The following RAG1 variants were observed in gnomAD, a reference collection of about 807,000 sequenced individuals.
RAG1 encodes the protein recombination activating 1.
Under a neutral mutation model 62.7 loss-of-function variants are expected in RAG1, and 35 were observed. The observed-to-expected ratio is 0.56, with a 90% CI of 0.43 to 0.74. The LOEUF (loss-of-function observed/expected upper bound fraction) is 0.74, where lower values mean the gene tolerates loss of function less well. RAG1 is among the 30% of genes least tolerant of loss of function. The pLI, the probability that RAG1 is intolerant of heterozygous loss-of-function variation, is 0.00. For missense variants in RAG1, 1,169 were observed against 1,278.6 expected (o/e 0.91, Z 1.31); for synonymous variants, 461 against 470.3 (o/e 0.98, Z 0.26).
At chr11:36,520,342 C>T (rs983815556) in intron 2 of RAG1, 1 of 152,174 alleles carries the variant, frequency 6.6e-6, no homozygotes, top group Admixed American at 6.5e-5. Flanking sequence ...GATCTTGGCT[C>T]ACTGCAACCT....
chr11:36,520,467 G>A (rs982149570), intron 2 of RAG1, among the ~76,000 whole-genome samples: 3 of 151,734 alleles, frequency 2.0e-5, no homozygotes, highest in Non-Finnish European at 2.9e-5. Flanking sequence ...TGGAAGAGAC[G>A]GGGTTTCCCC....
chr11:36,515,054 G>A (rs1590657469), intron 1 of RAG1, among the ~76,000 whole-genome samples: 1 of 152,234 alleles, frequency 6.6e-6, no homozygotes, highest in Non-Finnish European at 1.5e-5. Flanking sequence ...ATACTCCTGA[G>A]GGGACACAAA....
In RAG1 at chr11:36,526,146, A is replaced by G. The variant is rs373541613; in HGVS notation, n.428+5917A>G. Among the ~76,000 whole-genome samples the G allele has an allele frequency of 1.7e-4, 26 of 152,324 alleles. No individual in the cohort carries two copies. In the East Asian group the frequency reaches 3.9e-3, roughly 23 times the overall value. ...CATGTGCACAACGTGCAGGTTTGTT[A>G]CATAGGTATACATGTGCCATGTTGG... On this transcript the variant is annotated intron_variant and non_coding_transcript_variant, in intron 2 of 2. Coordinates refer to the RAG1 transcript ENST00000529126.
At chr11:36,522,138 G>A (rs542266825) in intron 2 of RAG1, among the ~76,000 whole-genome samples, 10 of 152,164 alleles carry the variant, frequency 6.6e-5, no homozygotes, top group African/African-American at 1.9e-4. Flanking sequence ...ATGAAGAGCC[G>A]AATGTTAATC....
chr11:36,576,097 T>C lies in RAG1; in HGVS notation c.2793T>C (p.Tyr931=). The C allele has an allele frequency of 6.2e-7, 1 of 1,614,006 alleles. No homozygotes were observed. The highest frequency in any genetic ancestry group is 1.1e-5 in the South Asian group (1 of 91,074). Residue 931 remains tyrosine, a synonymous_variant, in exon 2 of 2, where the codon TAT becomes TAC. Coordinates refer to ENST00000299440, the MANE Select transcript of RAG1 (RefSeq NM_000448.3). ...TTTCTACGAAGTTCAAGTATAGGTA[T>C]GAGGGAAAAATCACCAATTATTTTC... ...ELLSTKFKYR[Y]EGKITNYFHK...
chr11:36,518,012 C>T (rs946531610), intron 1 of RAG1, among the ~76,000 whole-genome samples: 25 of 134,826 alleles, frequency 1.9e-4, no homozygotes, highest in African/African-American at 3.1e-4. Flanking sequence ...CAACAGTTCC[C>T]GGTGTGTGAT....
At chr11:36,530,424 T>G (rs1164926441) in intron 2 of RAG1, among the ~76,000 whole-genome samples, 1 of 151,904 alleles carries the variant, frequency 6.6e-6, no homozygotes, top group Non-Finnish European at 1.5e-5. Context: ...CTTACATTTT[T>G]TATTTGAGAC....
rs116108987 is a variant in RAG1 at position 36,551,430 on chromosome 11, G to C, written c.-411-11955G>C. 3.5e-3 allele frequency among the ~76,000 whole-genome samples: 526 copies of C among 152,032 alleles called. 1 individual carries two copies. Among genetic ancestry groups the C allele is most frequent in the African/African-American group, 0.012 (500 of 41,502 alleles). On this transcript the variant is annotated intron_variant and NMD_transcript_variant, in intron 3 of 9. Transcript: ENST00000534663. ...CTAGAAGTTTGAGATTAAGGTGTTAGTGGAATTGGTTTCTCTGAGGTCTCT... is the reference window on the plus strand; with the variant it reads ...CTAGAAGTTTGAGATTAAGGTGTTACTGGAATTGGTTTCTCTGAGGTCTCT...
chr11:36,564,641 C>T (rs368078396), upstream of RAG1, among the ~76,000 whole-genome samples: 7 of 152,036 alleles, frequency 4.6e-5, no homozygotes, highest in East Asian at 1.9e-4. Flanking sequence ...GAGCTGCAGC[C>T]GACGTTTAGA....
intron 1 of RAG1, among the ~76,000 whole-genome samples, chr11:36,570,589 A>T (rs1002925515): frequency 2.0e-5 from 3 of 152,092 alleles, no homozygotes; most frequent in Middle Eastern, 3.4e-3. Context: ...TTTTTTGAGG[A>T]CCTCCATACT....
At chr11:36,532,295 GTC>G (rs1401406759) in intron 2 of RAG1, among the ~76,000 whole-genome samples, 9 of 152,098 alleles carry the variant, frequency 5.9e-5, no homozygotes, top group African/African-American at 2.2e-4. Context: ...ATTCCAGTCT[GTC>G]TGGAATATTT....
At chr11:36,522,321 C>T (rs1860092993) in intron 2 of RAG1, among the ~76,000 whole-genome samples, 2 of 152,190 alleles carry the variant, frequency 1.3e-5, no homozygotes, top group African/African-American at 4.8e-5. Context: ...CTGCTCCAGC[C>T]ATGACTAAAG....
At chr11:36,548,889 G>T (rs1024654916) in intron 3 of RAG1, among the ~76,000 whole-genome samples, 4 of 151,984 alleles carry the variant, frequency 2.6e-5, no homozygotes, top group African/African-American at 7.3e-5. Flanking sequence ...AAGGCTACAG[G>T]AACCAAAACA....
At chr11:36,558,518 A>C (rs1284466359) in intron 3 of RAG1, among the ~76,000 whole-genome samples, 3 of 152,188 alleles carry the variant, frequency 2.0e-5, no homozygotes, top group Non-Finnish European at 4.4e-5. Flanking sequence ...ATCATTATAT[A>C]ATGGTGCCAT....
chr11:36,536,075 A>G (rs1349428781), downstream of RAG1: 2 of 152,226 alleles, frequency 1.3e-5, 1 homozygote, highest in Admixed American at 1.3e-4. Flanking sequence ...GTAATAAAAA[A>G]TAGAAACAAG....
At chr11:36,518,093 G>T (rs1056634859) in intron 1 of RAG1, among the ~76,000 whole-genome samples, 15 of 148,450 alleles carry the variant, frequency 1.0e-4, no homozygotes, top group Admixed American at 7.5e-4. Flanking sequence ...ACAGTGTTTG[G>T]TTTTTTTGTC....
Position 36,575,554 on chromosome 11 carries a change from C to G in RAG1, c.2250C>G (p.Thr750=). The change falls in exon 2 of 2, where the codon ACC becomes ACG. Residue 750 remains threonine (T), a synonymous_variant. Transcript: ENST00000299440. The surrounding 1 kb of genome is among the most constrained non-coding windows in gnomAD (Gnocchi z 4.1). The part of the protein sequence containing the change: ...ASQNLVFHSI[T]RSHAENLERY... ...AAAATCTTGTCTTCCACTCTATAAC[C>G]AGAAGCCATGCTGAGAACCTGGAAC... is the stretch of plus-strand genomic sequence containing the variant. 1 of 1,614,202 alleles carries G rather than the reference C, an allele frequency of 6.2e-7. No individual in the cohort carries two copies. Among genetic ancestry groups the G allele is most frequent in the Non-Finnish European group, 8.5e-7 (1 of 1,180,040 alleles).
At chr11:36,561,758 G>A (rs1357502780) in intron 3 of RAG1, among the ~76,000 whole-genome samples, 1 of 152,166 alleles carries the variant, frequency 6.6e-6, no homozygotes, top group Non-Finnish European at 1.5e-5. Context: ...TTTTGGATTG[G>A]TACTGAAACT....
chr11:36,523,178 T>C (rs1430924007), intron 2 of RAG1, among the ~76,000 whole-genome samples: 1 of 152,234 alleles, frequency 6.6e-6, no homozygotes, highest in East Asian at 1.9e-4. Flanking sequence ...GATTTGGCTC[T>C]GTGTCCTCAC....
Sources: gnomAD v4.1 joint callset for allele counts (sites outside exome capture counted in the v4.1 genomes callset) on GRCh38, gnomAD v4.1.1 for gene constraint, Gnocchi (gnomAD v3.1) non-coding constraint, MANE v1.5 for transcripts, NCBI Gene and HGNC (gene_info 2026-07-23, HGNC 2026-07-21) for gene names.